SLC8A1: variants seen among roughly 807,000 people sequenced by gnomAD.
SLC8A1 encodes the protein solute carrier family 8 member A1.
SLC8A1 carries 18 observed loss-of-function variants against 68.3 expected under a neutral mutation model. The ratio of observed to expected loss-of-function variants is 0.26; its 90% CI spans 0.18 to 0.39. SLC8A1 has a LOEUF of 0.39. Ranked by LOEUF, SLC8A1 falls within the 10% of genes least tolerant of loss-of-function variation. The pLI is 1.00. For missense variants in SLC8A1, 985 were observed against 1,156.7 expected (o/e 0.85, Z 2.15); for synonymous variants, 475 against 415.5 (o/e 1.14, Z -1.74).
At position 40,269,777 on chromosome 2, in the gene SLC8A1, C is replaced by T. The variant is rs906497294; in HGVS notation, c.1809-91922G>A. Among the ~76,000 whole-genome samples, 5 of 145,878 alleles carry T rather than the reference C, an allele frequency of 3.4e-5. No individual in the cohort carries two copies. In the Admixed American group the frequency reaches 3.6e-4, roughly 11 times the overall value. On this transcript the variant is annotated intron_variant, in intron 2 of 7. Coordinates refer to ENST00000406785, the Ensembl canonical transcript of SLC8A1. ...TTGCCTTTCTCATGGATCACTGTGA[C>T]TGTTGCTGTTTTTTTTTTCTATTTT...
At chr2:40,234,799 C>T (rs1253399485) in intron 2 of SLC8A1, among the ~76,000 whole-genome samples, 1 of 152,066 alleles carries the variant, frequency 6.6e-6, no homozygotes, top group African/African-American at 2.4e-5. Context: ...ATTGAGAGTT[C>T]TTAGCATGAA....
intron 2 of SLC8A1, among the ~76,000 whole-genome samples, chr2:40,384,160 A>C (rs1218448504): frequency 1.3e-5 from 2 of 151,922 alleles, no homozygotes; most frequent in Admixed American, 6.6e-5. Flanking sequence ...GGAGGCTGAC[A>C]CATGAAGATC....
chr2:40,406,426 T>C (rs1480162038), intron 2 of SLC8A1, among the ~76,000 whole-genome samples: 1 of 152,224 alleles, frequency 6.6e-6, no homozygotes, highest in African/African-American at 2.4e-5. Context: ...TTATTTATTG[T>C]ATAATGGATG....
At chr2:40,170,451 C>A (rs2047274934) in intron 4 of SLC8A1, 102 bp from the exon 7 acceptor site, 1 of 941,450 alleles carries the variant, frequency 1.1e-6, no homozygotes, top group East Asian at 2.6e-5. Flanking sequence ...CAGATGCACA[C>A]ATCACAAGCA....
rs565298442 is a variant in SLC8A1, at chr2:40,494,979, G to T, written c.-25+17370C>A. 5.9e-5 allele frequency among the ~76,000 whole-genome samples: 9 copies of T among 151,712 alleles called. No individual in the cohort carries two copies. The East Asian group carries it at 9.7e-4, about 16-fold the overall frequency. On this transcript the variant is annotated intron_variant, in intron 1 of 7. Transcript: ENST00000402441. ...TAAATTTACAAATGAAAAAACTGAA[G>T]CAAAGATTGAAGTAAAAAAAATCAT...
At chr2:40,232,600 T>TTG (rs2148904541) in intron 2 of SLC8A1, among the ~76,000 whole-genome samples, 1 of 144,114 alleles carries the variant, frequency 6.9e-6, no homozygotes, top group South Asian at 2.1e-4. Flanking sequence ...TGTATTCTGT[T>TTG]TTTTTTTTTT....
At chr2:40,278,056 C>T (rs994159319) in intron 2 of SLC8A1, among the ~76,000 whole-genome samples, 11 of 152,048 alleles carry the variant, frequency 7.2e-5, no homozygotes, top group East Asian at 1.9e-4. Context: ...CCTGAAGTGA[C>T]TGAATAATTT....
intron 2 of SLC8A1, chr2:40,250,199 A>C (rs1442521845): frequency 6.6e-6 from 1 of 152,212 alleles, no homozygotes; most frequent in African/African-American, 2.4e-5. Context: ...GGGGGAAAGA[A>C]ATTCAATACA....
exon 2 of SLC8A1, chr2:40,428,742 A>G: frequency 6.2e-7 from 1 of 1,613,774 alleles, no homozygotes; most frequent in Non-Finnish European, 8.5e-7. Context: ...TAGAAACATG[A>G]TTGGCTTCCA....
At position 40,294,051 on chromosome 2, in the gene SLC8A1, C is replaced by T. The variant is rs138840049; in HGVS notation, c.1809-116196G>A. ...AAAGCTATGAATGGTAAGAGGGAAA[C>T]CAACTAGAATTTGCTGCTCATTCAC... On this transcript the variant is annotated intron_variant, in intron 2 of 7. Coordinates refer to ENST00000406785, the Ensembl canonical transcript of SLC8A1. 5.4e-3 allele frequency among the ~76,000 whole-genome samples: 816 copies of T among 152,126 alleles called. 7 individuals carry two copies. Among genetic ancestry groups the T allele is most frequent in the African/African-American group, 0.019 (775 of 41,534 alleles).
intron 3 of SLC8A1, 125 bp downstream of exon 4, chr2:40,175,136 G>T: frequency 1.0e-6 from 1 of 975,420 alleles, no homozygotes; most frequent in Non-Finnish European, 1.6e-6. Flanking sequence ...GAGGTCAATG[G>T]CCCTAAACAA....
At chr2:40,379,770 A>G (rs373717385) in intron 2 of SLC8A1, among the ~76,000 whole-genome samples, 15 of 151,806 alleles carry the variant, frequency 9.9e-5, no homozygotes, top group African/African-American at 3.6e-4. Context: ...CCAGAGCCAC[A>G]TTTTCCTTGG....
At chr2:40,331,780 G>C (rs1242293264) in intron 2 of SLC8A1, among the ~76,000 whole-genome samples, 1 of 151,936 alleles carries the variant, frequency 6.6e-6, no homozygotes, top group Non-Finnish European at 1.5e-5. Flanking sequence ...TTTTAGTAGA[G>C]ACAGGGTTTT....
At chr2:40,210,914 G>A (rs771429938) in intron 2 of SLC8A1, among the ~76,000 whole-genome samples, 5 of 152,102 alleles carry the variant, frequency 3.3e-5, no homozygotes, top group Non-Finnish European at 7.4e-5. Context: ...AACATCATAA[G>A]GCTACATGCA....
intron 7 of SLC8A1, among the ~76,000 whole-genome samples, chr2:40,124,626 G>A (rs997628967): frequency 2.6e-5 from 4 of 152,028 alleles, no homozygotes; most frequent in African/African-American, 4.8e-5. Context: ...AGCCTGAAAA[G>A]TCTACTAACT....
chr2:40,273,319 C>T (rs1320809665), intron 2 of SLC8A1, among the ~76,000 whole-genome samples: 9 of 152,032 alleles, frequency 5.9e-5, no homozygotes, highest in Admixed American at 5.9e-4. Flanking sequence ...TCTCCAACTC[C>T]TGACCTTAGG....
chr2:40,448,119 C>A (rs1701784941), intron 1 of SLC8A1, among the ~76,000 whole-genome samples: 1 of 149,786 alleles, frequency 6.7e-6, no homozygotes, highest in Non-Finnish European at 1.5e-5. Flanking sequence ...AGTCAATGCA[C>A]TGGAAAATAC....
chr2:40,234,576 T>C (rs1411652886), intron 2 of SLC8A1, among the ~76,000 whole-genome samples: 4 of 152,188 alleles, frequency 2.6e-5, no homozygotes, highest in Admixed American at 6.5e-5. Flanking sequence ...CTTTTCCTAA[T>C]TGAATACCCT....
intron 2 of SLC8A1, among the ~76,000 whole-genome samples, chr2:40,216,074 G>A (rs913128072): frequency 4.0e-5 from 6 of 149,246 alleles, no homozygotes; most frequent in South Asian, 4.2e-4. Context: ...TGTGCAGAAC[G>A]TGCAAGTTTG....
Sources: allele counts gnomAD v4.1 joint callset (sites outside exome capture counted in the v4.1 genomes callset), GRCh38; gene constraint gnomAD v4.1.1; transcripts MANE v1.5; gene names NCBI Gene and HGNC (gene_info 2026-07-23, HGNC 2026-07-21).